ELF2: variants seen among roughly 807,000 people sequenced by gnomAD.
ELF2 encodes the protein ETS-related transcription factor Elf-2.
ELF2 carries 11 observed loss-of-function variants against 54.8 expected under a neutral mutation model. The observed-to-expected ratio is 0.20, with a 90% CI of 0.13 to 0.33. ELF2 has a LOEUF of 0.33. ELF2 is among the 10% of genes least tolerant of loss of function. The probability of loss-of-function intolerance (pLI) is 1.00; values close to 1 mark genes in which losing one functional copy is unlikely to be tolerated. For missense variants in ELF2, 513 were observed against 703.0 expected, an observed-to-expected ratio of 0.73 and a Z score of 3.06; for synonymous variants, 203 against 245.1, an observed-to-expected ratio of 0.83 and a Z score of 1.61.
intron 4 of ELF2, chr4:139,073,779 G>C: frequency 3.6e-6 from 1 of 275,258 alleles, no homozygotes; most frequent in East Asian, 6.3e-5. Flanking sequence ...TTTATAAAAT[G>C]AATACTGATA....
chr4:139,151,032 A>AAAAAAAAGAAAGGAAAGAAAGAAAG (rs1301387000), intron 1 of ELF2, among the ~76,000 whole-genome samples: 2 of 102,508 alleles, frequency 2.0e-5, no homozygotes, highest in African/African-American at 1.0e-4. Context: ...TCAAAAAAAA[A>AAAAAAAAGAAAGGAAAGAAAGAAAG]AAAGAAAGAA....
At chr4:139,140,900 C>A (rs1738637832) in intron 1 of ELF2, among the ~76,000 whole-genome samples, 1 of 152,106 alleles carries the variant, frequency 6.6e-6, no homozygotes, top group South Asian at 2.1e-4. Context: ...ATTTCTCAAG[C>A]ACTCCTCCTT....
intron 4 of ELF2, among the ~76,000 whole-genome samples, chr4:139,081,832 G>A (rs948610189): frequency 6.6e-6 from 1 of 152,160 alleles, no homozygotes; most frequent in African/African-American, 2.4e-5. Context: ...AATAAGGCTT[G>A]TAAGGGAGCT....
chr4:139,117,559 G>A (rs1451077968), intron 4 of ELF2, among the ~76,000 whole-genome samples: 1 of 151,992 alleles, frequency 6.6e-6, no homozygotes, highest in Non-Finnish European at 1.5e-5. Context: ...CCACATAGGT[G>A]TGGTGAGTGC....
chr4:139,137,501 G>A (rs1231610101), intron 3 of ELF2, 129 bp downstream of exon 3: 13 of 902,408 alleles, frequency 1.4e-5, no homozygotes, highest in African/African-American at 5.0e-5. Context: ...AAGGATACAC[G>A]ACATGTACAT....
chr4:139,119,909 G>A (rs531056118), intron 4 of ELF2, among the ~76,000 whole-genome samples: 2 of 152,194 alleles, frequency 1.3e-5, no homozygotes, highest in African/African-American at 4.8e-5. Context: ...GAGTAGCTGG[G>A]ATTACAGGCG....
Position 139,163,362 on chromosome 4 carries a change from G to T in ELF2, c.-252+13605C>A, listed in dbSNP as rs540401504. On this transcript the variant is annotated intron_variant, in intron 1 of 9. Coordinates refer to ENST00000686138, the MANE Select transcript of ELF2 (RefSeq NM_001331036.3). ...ATTTTGAAAAGTAATATTTAGGAAGGAAATAATATAAAAAGGACTCAGTAA... is the reference window on the plus strand; with the variant it reads ...ATTTTGAAAAGTAATATTTAGGAAGTAAATAATATAAAAAGGACTCAGTAA... Among the ~76,000 whole-genome samples, 5 of 152,076 alleles carry T rather than the reference G, an allele frequency of 3.3e-5. No homozygotes were observed. The East Asian group carries it at 7.7e-4, about 23-fold the overall frequency.
intron 1 of ELF2, among the ~76,000 whole-genome samples, chr4:139,148,465 TCATACCCAGCCTA>T (rs1235429245): frequency 4.0e-5 from 6 of 151,490 alleles, no homozygotes; most frequent in African/African-American, 1.5e-4. Flanking sequence ...GCCTGAGCCA[TCATACCCAGCCTA>T]CTATGTGGTC....
At chr4:139,161,682 C>CT (rs764152699) in intron 1 of ELF2, among the ~76,000 whole-genome samples, 2 of 128,776 alleles carry the variant, frequency 1.6e-5, no homozygotes, top group Admixed American at 7.8e-5. Flanking sequence ...AAAAAAAACT[C>CT]TGAGTAGGCC....
chr4:139,108,686 G>T (rs1282284392), intron 4 of ELF2, among the ~76,000 whole-genome samples: 3 of 152,138 alleles, frequency 2.0e-5, no homozygotes, highest in African/African-American at 7.2e-5. Flanking sequence ...TAGGGTTGTG[G>T]GGAGGTGGTT....
intron 1 of ELF2, among the ~76,000 whole-genome samples, chr4:139,161,012 AT>A (rs1560883341): frequency 3.9e-5 from 6 of 152,106 alleles, no homozygotes; most frequent in African/African-American, 1.4e-4. Flanking sequence ...ATGCAGTAAG[AT>A]CTCTCTGTGT....
chr4:139,168,279 A>C (rs983299376), intron 1 of ELF2, among the ~76,000 whole-genome samples: 6 of 152,210 alleles, frequency 3.9e-5, no homozygotes, highest in African/African-American at 1.4e-4. Flanking sequence ...TGGTTTCTTC[A>C]ACTGACTGCC....
intron 4 of ELF2, among the ~76,000 whole-genome samples, chr4:139,077,568 A>G (rs1730481566): frequency 6.6e-6 from 1 of 152,214 alleles, no homozygotes; most frequent in Admixed American, 6.5e-5. Context: ...TGTAAAAGTG[A>G]GCACTATCTT....
intron 1 of ELF2, among the ~76,000 whole-genome samples, chr4:139,149,219 G>A (rs1553970794): frequency 6.6e-6 from 1 of 152,264 alleles, no homozygotes; most frequent in East Asian, 1.9e-4. Flanking sequence ...TCAGATATTA[G>A]AAGAAAAAAG....
intron 4 of ELF2, among the ~76,000 whole-genome samples, chr4:139,096,105 T>C (rs1733249816): frequency 6.6e-6 from 1 of 152,066 alleles, no homozygotes; most frequent in Non-Finnish European, 1.5e-5. Context: ...AACAAGACTC[T>C]GTCATACATA....
chr4:139,094,186 A>G (rs1317384301), intron 4 of ELF2, among the ~76,000 whole-genome samples: 1 of 152,200 alleles, frequency 6.6e-6, no homozygotes, highest in Non-Finnish European at 1.5e-5. Flanking sequence ...GGCGTGAGCC[A>G]CCACGCCCGG....
chr4:139,151,748 G>A (rs566270964), intron 1 of ELF2, among the ~76,000 whole-genome samples: 3 of 152,302 alleles, frequency 2.0e-5, no homozygotes, highest in African/African-American at 7.2e-5. Flanking sequence ...AACTGATCAC[G>A]TGAATAGGTT....
intron 7 of ELF2, chr4:139,066,108 T>TA (rs1728674036): frequency 6.6e-6 from 1 of 151,618 alleles, no homozygotes; most frequent in African/African-American, 2.4e-5. Context: ...AATTTCTGTT[T>TA]TAATTATTTA....
chr4:139,156,777 C>T (rs1740594531), intron 1 of ELF2, among the ~76,000 whole-genome samples: 1 of 151,968 alleles, frequency 6.6e-6, no homozygotes, highest in African/African-American at 2.4e-5. Context: ...GCTGGGATTA[C>T]AGGCACATAC....
Sources: allele counts gnomAD v4.1 joint callset (sites outside exome capture counted in the v4.1 genomes callset), GRCh38; gene constraint gnomAD v4.1.1; transcripts MANE v1.5; gene names NCBI Gene and HGNC (gene_info 2026-07-23, HGNC 2026-07-21).